KDM2B: variants seen among roughly 807,000 people sequenced by gnomAD.
KDM2B encodes lysine demethylase 2B.
Under a neutral mutation model 150.0 loss-of-function variants are expected in KDM2B, and 26 were observed. That is an observed-to-expected ratio of 0.17 (90% CI 0.13 to 0.24). The LOEUF is 0.24. Among genes scored for constraint, KDM2B ranks in the 10% least tolerant of loss-of-function variants. KDM2B has a pLI of 1.00. For synonymous variants in KDM2B, 734 were observed against 729.5 expected (o/e 1.01, Z -0.10); for missense variants, 1,265 against 1,816.9 (o/e 0.70, Z 5.52).
At chr12:121,574,484 G>A (rs1460350782) in intron 4 of KDM2B, 63 bp downstream of exon 4, 15 of 1,515,212 alleles carry the variant, frequency 9.9e-6, no homozygotes, top group Non-Finnish European at 1.4e-5. Flanking sequence ...GGCAGGTGGT[G>A]ACCGCCTCTT....
At chr12:121,552,117 C>T (rs890221860) in intron 4 of KDM2B, among the ~76,000 whole-genome samples, 1 of 152,208 alleles carries the variant, frequency 6.6e-6, no homozygotes, top group East Asian at 1.9e-4. Context: ...TTACCATTTA[C>T]TATGTGTGTC....
At chr12:121,553,523 C>G (rs1889673914) in intron 4 of KDM2B, among the ~76,000 whole-genome samples, 2 of 152,170 alleles carry the variant, frequency 1.3e-5, no homozygotes, top group Admixed American at 1.3e-4. Flanking sequence ...GCCTCGGGCT[C>G]TTGGCTTCTC....
At position 121,533,972 on chromosome 12, in the gene KDM2B, G is replaced by A. The variant is rs1341366915; in HGVS notation, c.777+525C>T. Among the ~76,000 whole-genome samples the A allele has an allele frequency of 1.3e-5, 2 of 152,142 alleles. No individual in the cohort carries two copies. The highest frequency in any genetic ancestry group is 2.9e-5 in the Non-Finnish European group (2 of 68,016). On this transcript the variant is annotated intron_variant, in intron 7 of 22. Coordinates refer to ENST00000377071, the MANE Select transcript of KDM2B (RefSeq NM_032590.5). This position sits in a 1 kb window ranked among gnomAD's most constrained non-coding sequence, Gnocchi z 4.1. ...GGAAGATCGCTTGAGCCCAGGAGGTGGAGGCTACAGCGAGCTGTGATTTCG... is the reference window on the plus strand; with the variant it reads ...GGAAGATCGCTTGAGCCCAGGAGGTAGAGGCTACAGCGAGCTGTGATTTCG...
At chr12:121,458,075 G>A (rs960642407) in intron 12 of KDM2B, among the ~76,000 whole-genome samples, 3 of 152,134 alleles carry the variant, frequency 2.0e-5, no homozygotes, top group African/African-American at 4.8e-5. Context: ...CAGACTCAAC[G>A]CGACCCCAAG....
intron 4 of KDM2B, among the ~76,000 whole-genome samples, chr12:121,572,383 C>T (rs1555316100): frequency 6.6e-6 from 1 of 152,146 alleles, no homozygotes; most frequent in African/African-American, 2.4e-5. Flanking sequence ...TGGCCTCTGC[C>T]ACCTCTTCTG....
At position 121,470,890 on chromosome 12, in the gene KDM2B, A is replaced by G. The variant is rs144212760; in HGVS notation, c.1735-17546T>C. Among the ~76,000 whole-genome samples the G allele has an allele frequency of 1.1e-3, 171 of 152,376 alleles. 1 individual carries two copies. Among genetic ancestry groups the G allele is most frequent in the African/African-American group, 3.3e-3 (136 of 41,598 alleles). Reference sequence around the variant, plus strand: ...TTGCTGTCTGATCTGGCAAGGGCCAACTGTGGAACCGGGAGGCCATGGTTA... The same window carrying G: ...TTGCTGTCTGATCTGGCAAGGGCCAGCTGTGGAACCGGGAGGCCATGGTTA... On this transcript the variant is annotated intron_variant, in intron 12 of 22. Transcript: ENST00000377071.
rs1426554972 is a variant in KDM2B, at chr12:121,578,953, G to T, written c.127-7C>A. The T allele has an allele frequency of 1.2e-6, 2 of 1,610,668 alleles. No individual in the cohort carries two copies. The highest frequency in any genetic ancestry group is 4.5e-5 in the East Asian group (2 of 44,746). Reference sequence around the variant, plus strand: ...GCTGGCGGTCAATCGGGCGCTGCGAGGACCCAAACCAGAGAGCCCGGGACA... The same window carrying T: ...GCTGGCGGTCAATCGGGCGCTGCGATGACCCAAACCAGAGAGCCCGGGACA... On this transcript the variant is annotated splice_region_variant and splice_polypyrimidine_tract_variant and intron_variant, in intron 1 of 22. Transcript: ENST00000377071.
chr12:121,442,714 G>A lies in KDM2B; in HGVS notation c.2727C>T (p.His909=). 1 of 1,581,564 alleles carries A rather than the reference G, an allele frequency of 6.3e-7. No homozygotes were observed. Among genetic ancestry groups the A allele is most frequent in the Non-Finnish European group, 8.6e-7 (1 of 1,165,970 alleles). The change falls in exon 19 of 23, where the codon CAC becomes CAT. Residue 909 remains histidine, a synonymous_variant. Coordinates refer to ENST00000377071, the MANE Select transcript of KDM2B (RefSeq NM_032590.5). The surrounding 1 kb of genome is among the most constrained non-coding windows in gnomAD (Gnocchi z 7.7). ...CCGCGGTGGGGGAGCTGGAGCGGGA[G>A]TGGTCGCTCTCCCTGGTCTTGGGGG... ...EAPPKTRESD[H]SRSSSPTAGP...
chr12:121,413,890 A>T, the KDM2B span, among the ~76,000 whole-genome samples: 1 of 152,136 alleles, frequency 6.6e-6, no homozygotes, highest in African/African-American at 2.4e-5. Context: ...TGACTTTTAA[A>T]GGCATCACTA....
intron 11 of KDM2B, among the ~76,000 whole-genome samples, chr12:121,499,110 A>ATT (rs68098990): frequency 0.049 from 6,461 of 131,038 alleles, 259 homozygotes; most frequent in East Asian, 0.15. Flanking sequence ...CAGTCAATAA[A>ATT]TTTTTTTTTT....
At position 121,533,027 on chromosome 12, in the gene KDM2B, C is replaced by G; in HGVS notation, c.778-68G>C. On this transcript the variant is annotated intron_variant, in intron 7 of 22. Coordinates refer to ENST00000377071, the MANE Select transcript of KDM2B (RefSeq NM_032590.5). This position sits in a 1 kb window ranked among gnomAD's most constrained non-coding sequence, Gnocchi z 4.1. ...GACAAGACCCAGAGAGAGGGCCCCA[C>G]CTGCCTGGCGGAAGGGGAGGGGGCG... 2 of 1,553,944 alleles carry G rather than the reference C, an allele frequency of 1.3e-6. No homozygotes were observed. Among genetic ancestry groups the G allele is most frequent in the African/African-American group, 2.7e-5 (2 of 73,906 alleles).
At position 121,551,224 on chromosome 12, in the gene KDM2B, C is replaced by T. The variant is rs558756777; in HGVS notation, c.398-1586G>A. On this transcript the variant is annotated intron_variant, in intron 4 of 22. Coordinates refer to ENST00000377071, the MANE Select transcript of KDM2B (RefSeq NM_032590.5). ...AAATAAACATAGCCTTTCATGTGGT[C>T]GGAACTGAAAAATAAAAGTAACTCT... 1.9e-4 allele frequency among the ~76,000 whole-genome samples: 29 copies of T among 151,908 alleles called. No homozygotes were observed. In the East Asian group the frequency reaches 1.9e-3, roughly 10 times the overall value.
rs144347487 is a variant in KDM2B, at chr12:121,431,864, G to A, written c.3830-1395C>T. On this transcript the variant is annotated intron_variant, in intron 22 of 22. Coordinates refer to ENST00000377071, the MANE Select transcript of KDM2B (RefSeq NM_032590.5). ...CAACAGATAACTCAGGTTTTCATGG[G>A]TTTTTTTCTTTTTTCTTTTTTTTTT... Among the ~76,000 whole-genome samples the A allele has an allele frequency of 2.5e-3, 364 of 145,508 alleles. 1 individual carries two copies. The highest frequency in any genetic ancestry group is 8.8e-3 in the African/African-American group (346 of 39,300).
intron 13 of KDM2B, among the ~76,000 whole-genome samples, chr12:121,448,530 T>A (rs1440182383): frequency 1.3e-5 from 2 of 152,056 alleles, no homozygotes; most frequent in African/African-American, 2.4e-5. Context: ...TGCACCCGGC[T>A]GTGAGCCCCC....
chr12:121,421,630 C>T, the KDM2B span, among the ~76,000 whole-genome samples: 9 of 152,058 alleles, frequency 5.9e-5, no homozygotes, highest in East Asian at 3.9e-4. Flanking sequence ...GATCAAGCCA[C>T]GGAACATTTA....
chr12:121,511,815 G>A (rs1159535406), intron 10 of KDM2B, among the ~76,000 whole-genome samples: 2 of 152,212 alleles, frequency 1.3e-5, no homozygotes, highest in African/African-American at 2.4e-5. Context: ...GTGGTGCGGA[G>A]TACACAGGTA....
chr12:121,532,629 G>C (rs1887759807), intron 8 of KDM2B, among the ~76,000 whole-genome samples, 177 bp downstream of exon 8: 1 of 152,198 alleles, frequency 6.6e-6, no homozygotes, highest in African/African-American at 2.4e-5. Context: ...GTAGATACAG[G>C]TGGGATGTGA....
intron 11 of KDM2B, among the ~76,000 whole-genome samples, chr12:121,501,271 T>C (rs1884516532): frequency 6.6e-6 from 1 of 151,860 alleles, no homozygotes; most frequent in Non-Finnish European, 1.5e-5. Flanking sequence ...CCCAGCTACT[T>C]GGGAGGCTGA....
intron 9 of KDM2B, among the ~76,000 whole-genome samples, chr12:121,515,872 G>A (rs567250619): frequency 3.3e-5 from 5 of 152,126 alleles, no homozygotes; most frequent in African/African-American, 7.2e-5. Context: ...GGGGATGCAC[G>A]GAGTGGGGAC....
Sources: gnomAD v4.1 joint callset for allele counts (sites outside exome capture counted in the v4.1 genomes callset) on GRCh38, gnomAD v4.1.1 for gene constraint, Gnocchi (gnomAD v3.1) non-coding constraint, MANE v1.5 for transcripts, NCBI Gene and HGNC (gene_info 2026-07-23, HGNC 2026-07-21) for gene names.